TMEM229B: variants seen among roughly 807,000 people sequenced by gnomAD.
TMEM229B encodes chromosome 14 open reading frame 83.
In TMEM229B, 6 loss-of-function variants were observed where a neutral mutation model predicts 13.7. That is an observed-to-expected ratio of 0.44 (90% CI 0.24 to 0.86). The LOEUF is 0.86. Among genes scored for constraint, TMEM229B ranks in the 40% least tolerant of loss-of-function variants. The probability of loss-of-function intolerance (pLI) is 0.23; values close to 1 mark genes in which losing one functional copy is unlikely to be tolerated. For missense variants in TMEM229B, 170 were observed against 236.0 expected, an observed-to-expected ratio of 0.72 and a Z score of 1.83; for synonymous variants, 107 against 102.1, an observed-to-expected ratio of 1.05 and a Z score of -0.29.
intron 1 of TMEM229B, among the ~76,000 whole-genome samples, chr14:67,529,082 T>A (rs1456280303): frequency 6.6e-6 from 1 of 152,242 alleles, no homozygotes; most frequent in Admixed American, 6.5e-5. Flanking sequence ...AGTTCCCTCC[T>A]CATTTCATAA....
upstream of TMEM229B, among the ~76,000 whole-genome samples, chr14:67,518,870 C>T (rs1045766407): frequency 1.3e-5 from 2 of 152,022 alleles, no homozygotes; most frequent in African/African-American, 2.4e-5. Context: ...CAGAAAGGGT[C>T]TAGGAGGGAG....
At chr14:67,494,779 T>G (rs2032302909) in intron 1 of TMEM229B, among the ~76,000 whole-genome samples, 1 of 151,978 alleles carries the variant, frequency 6.6e-6, no homozygotes, top group African/African-American at 2.4e-5. Context: ...CGCCCAACAT[T>G]TGACAAGAAC....
At chr14:67,533,641 C>G (rs2033564625) in exon 1 of TMEM229B, 1 of 152,148 alleles carries the variant, frequency 6.6e-6, no homozygotes. Flanking sequence ...AGTACCTGGA[C>G]TTGGGGATCG....
At chr14:67,508,232 T>A (rs575891937) in intron 1 of TMEM229B, among the ~76,000 whole-genome samples, 1 of 152,080 alleles carries the variant, frequency 6.6e-6, no homozygotes, top group Admixed American at 6.5e-5. Flanking sequence ...CAGTTTGACT[T>A]CTTTCTCCTT....
chr14:67,529,718 C>T (rs1376217418), intron 1 of TMEM229B, among the ~76,000 whole-genome samples: 2 of 152,218 alleles, frequency 1.3e-5, no homozygotes. Flanking sequence ...TCTCATGTCC[C>T]ATGGTGGCTA....
intron 1 of TMEM229B, among the ~76,000 whole-genome samples, chr14:67,502,477 G>A (rs1160644475): frequency 8.2e-6 from 1 of 121,376 alleles, no homozygotes; most frequent in Non-Finnish European, 1.7e-5. Flanking sequence ...TTTTGAGACT[G>A]AGTTTTGCTT....
At chr14:67,521,765 A>T (rs1400606703) in intron 1 of TMEM229B, among the ~76,000 whole-genome samples, 1 of 152,238 alleles carries the variant, frequency 6.6e-6, no homozygotes, top group Non-Finnish European at 1.5e-5. Flanking sequence ...GAAAAGACCA[A>T]AGTTAAAAGA....
chr14:67,498,267 C>T (rs562464137), intron 1 of TMEM229B, among the ~76,000 whole-genome samples: 3 of 152,256 alleles, frequency 2.0e-5, no homozygotes, highest in African/African-American at 7.2e-5. Flanking sequence ...GTTCTATAAG[C>T]TTCTGAGCCA....
At chr14:67,505,042 A>G (rs2032768857) in intron 1 of TMEM229B, among the ~76,000 whole-genome samples, 1 of 152,208 alleles carries the variant, frequency 6.6e-6, no homozygotes, top group South Asian at 2.1e-4. Flanking sequence ...GGAATTAATC[A>G]GCAAATTGAC....
intron 2 of TMEM229B, among the ~76,000 whole-genome samples, chr14:67,482,260 A>G (rs770820421): frequency 5.9e-5 from 9 of 152,206 alleles, no homozygotes; most frequent in Admixed American, 2.6e-4. Context: ...GGCAGGGGAC[A>G]TGGCCAGCAG....
chr14:67,492,050 T>A (rs1281491940), upstream of TMEM229B, among the ~76,000 whole-genome samples: 2 of 152,166 alleles, frequency 1.3e-5, no homozygotes, highest in African/African-American at 4.8e-5. Flanking sequence ...CTGTCTCACT[T>A]GGAGGCCACC....
At chr14:67,528,319 C>A (rs1199858885) in intron 1 of TMEM229B, among the ~76,000 whole-genome samples, 1 of 152,130 alleles carries the variant, frequency 6.6e-6, no homozygotes. Context: ...CACATGTGTC[C>A]CAGAAAAGTA....
At chr14:67,520,813 TC>T (rs2140269640) in intron 1 of TMEM229B, among the ~76,000 whole-genome samples, 1 of 152,376 alleles carries the variant, frequency 6.6e-6, no homozygotes, top group South Asian at 2.1e-4. Flanking sequence ...AATTTCCAAC[TC>T]CTTTGGGCAA....
At chr14:67,490,052 G>A (rs1004036191), upstream of TMEM229B, among the ~76,000 whole-genome samples, 4 of 152,128 alleles carry the variant, frequency 2.6e-5, no homozygotes, top group African/African-American at 7.2e-5. Context: ...AATTTCTTGA[G>A]ATCATAAAAT....
rs563868584 is a variant in TMEM229B, at chr14:67,475,916, G to T, written c.-18-1975C>A. ...CCAACTAGCATGTGAACTCCTTGAG[G>T]ATAGTGACTGTTGCACAGGCCAGTG... On this transcript the variant is annotated intron_variant, in intron 2 of 2. Coordinates refer to ENST00000554480, the MANE Select transcript of TMEM229B (RefSeq NM_001348543.2). 2.0e-4 allele frequency among the ~76,000 whole-genome samples: 31 copies of T among 152,376 alleles called. No homozygotes were observed. The South Asian group carries it at 6.2e-3, about 31-fold the overall frequency.
intron 2 of TMEM229B, among the ~76,000 whole-genome samples, chr14:67,481,954 G>C (rs556060837): frequency 6.6e-6 from 1 of 152,358 alleles, no homozygotes; most frequent in East Asian, 1.9e-4. Context: ...GATTGAAGAG[G>C]AGGAGAGTGT....
chr14:67,504,631 A>G (rs2032749932), intron 1 of TMEM229B, among the ~76,000 whole-genome samples: 1 of 152,208 alleles, frequency 6.6e-6, no homozygotes, highest in African/African-American at 2.4e-5. Flanking sequence ...TCACACCTGT[A>G]ATCCCAGCAC....
At chr14:67,505,202 G>A (rs2032774611) in intron 1 of TMEM229B, among the ~76,000 whole-genome samples, 1 of 152,018 alleles carries the variant, frequency 6.6e-6, no homozygotes, top group Admixed American at 6.6e-5. Context: ...GGGTATAGAG[G>A]GTCAGAATGG....
chr14:67,479,968 ATG>A (rs1482842993), intron 2 of TMEM229B, among the ~76,000 whole-genome samples: 1 of 152,128 alleles, frequency 6.6e-6, no homozygotes, highest in Admixed American at 6.5e-5. Flanking sequence ...ATCCTGGCTG[ATG>A]CTTTCCACCT....
Sources: gnomAD v4.1 joint callset for allele counts (sites outside exome capture counted in the v4.1 genomes callset) on GRCh38, gnomAD v4.1.1 for gene constraint, MANE v1.5 for transcripts, NCBI Gene and HGNC (gene_info 2026-07-23, HGNC 2026-07-21) for gene names.